Variants in GIPC2 observed in about 807,000 individuals in gnomAD.
GIPC2 encodes GIPC PDZ domain containing family member 2.
GIPC2 carries 30 observed loss-of-function variants against 30.6 expected under a neutral mutation model. The ratio of observed to expected loss-of-function variants is 0.98; its 90% CI spans 0.73 to 1.33. The LOEUF (loss-of-function observed/expected upper bound fraction) is 1.33, where lower values mean the gene tolerates loss of function less well. GIPC2 is among the 40% of genes most tolerant of loss of function. The pLI is 0.00. For missense variants in GIPC2, 414 were observed against 390.3 expected (o/e 1.06, Z -0.51); for synonymous variants, 167 against 150.0 (o/e 1.11, Z -0.83).
chr1:78,125,356 T>C (rs1390602864), intron 4 of GIPC2, among the ~76,000 whole-genome samples: 2 of 152,068 alleles, frequency 1.3e-5, no homozygotes, highest in Non-Finnish European at 2.9e-5. Flanking sequence ...TTTAATTAAT[T>C]AATTAATTTT....
At chr1:78,122,005 C>T (rs1007309069) in intron 4 of GIPC2, among the ~76,000 whole-genome samples, 1 of 152,164 alleles carries the variant, frequency 6.6e-6, no homozygotes, top group Non-Finnish European at 1.5e-5. Flanking sequence ...TGCCACGTCC[C>T]TTCAGGAGGA....
intron 1 of GIPC2, among the ~76,000 whole-genome samples, chr1:78,078,838 G>GAAAA (rs570693127): frequency 9.4e-6 from 1 of 106,880 alleles, no homozygotes; most frequent in Admixed American, 1.0e-4. Context: ...AGATTCACCG[G>GAAAA]AAAAAAAAAA....
intron 1 of GIPC2, among the ~76,000 whole-genome samples, chr1:78,064,702 C>T (rs1661468799): frequency 6.6e-6 from 1 of 150,680 alleles, no homozygotes; most frequent in South Asian, 2.1e-4. Flanking sequence ...GTTCTGTCAC[C>T]CAGGTTGGAG....
At chr1:78,058,601 T>G (rs1041391742) in intron 1 of GIPC2, among the ~76,000 whole-genome samples, 1 of 152,156 alleles carries the variant, frequency 6.6e-6, no homozygotes, top group Non-Finnish European at 1.5e-5. Flanking sequence ...CCAAGCAACA[T>G]GAATCCCTTG....
intron 2 of GIPC2, chr1:78,091,577 A>G (rs1156837933): frequency 2.6e-6 from 2 of 759,176 alleles, no homozygotes; most frequent in Non-Finnish European, 4.9e-6. Context: ...CCTCTCGGCC[A>G]AGTCCTTCGC....
rs941896536 is a variant in GIPC2, at chr1:78,138,002, C to G, written c.*2259C>G. ...CCTGTCCTTTTCACTTTTCTGTAGGCTTTTTTTTTTTAAATGGAAGATGAT... is the reference window on the plus strand; with the variant it reads ...CCTGTCCTTTTCACTTTTCTGTAGGGTTTTTTTTTTTAAATGGAAGATGAT... On this transcript the variant is annotated 3_prime_UTR_variant, in exon 6 of 6. Coordinates refer to ENST00000370759, the MANE Select transcript of GIPC2 (RefSeq NM_017655.6). 2.4e-5 allele frequency: 3 copies of G among 126,768 alleles called. No individual in the cohort carries two copies. Among genetic ancestry groups the G allele is most frequent in the Non-Finnish European group, 3.4e-5 (2 of 58,718 alleles). The allele number at this position is 126,768 out of a possible 1,614,324, so 7.9% of individuals were successfully genotyped here.
At chr1:78,046,639 C>T (rs1173596392) in intron 1 of GIPC2, among the ~76,000 whole-genome samples, 1 of 152,182 alleles carries the variant, frequency 6.6e-6, no homozygotes, top group Non-Finnish European at 1.5e-5. Flanking sequence ...GTCCCGGATT[C>T]CGCCGGCCGT....
intron 3 of GIPC2, among the ~76,000 whole-genome samples, chr1:78,096,562 A>G (rs999047149): frequency 4.0e-5 from 6 of 149,492 alleles, no homozygotes; most frequent in African/African-American, 1.5e-4. Flanking sequence ...AGTTATTGAT[A>G]TACCTTAACT....
intron 2 of GIPC2, 22 bp from the exon 3 acceptor site, chr1:78,094,925 ATTATG>A: frequency 6.8e-7 from 1 of 1,466,622 alleles, no homozygotes; most frequent in Non-Finnish European, 9.5e-7. Context: ...TCTATTTTAT[ATTATG>A]TTATCATCAA....
intron 1 of GIPC2, among the ~76,000 whole-genome samples, chr1:78,057,668 G>T (rs1297070674): frequency 1.3e-5 from 2 of 152,216 alleles, no homozygotes; most frequent in Non-Finnish European, 2.9e-5. Flanking sequence ...GCTGGAAAGA[G>T]TGATTATAAT....
At chr1:78,050,401 C>T (rs796780878) in intron 1 of GIPC2, among the ~76,000 whole-genome samples, 9 of 152,144 alleles carry the variant, frequency 5.9e-5, no homozygotes, top group African/African-American at 2.2e-4. Flanking sequence ...TTTGTGGTCC[C>T]TGAAGGAATA....
intron 1 of GIPC2, among the ~76,000 whole-genome samples, chr1:78,073,357 G>C (rs1661659430): frequency 6.6e-6 from 1 of 152,110 alleles, no homozygotes; most frequent in African/African-American, 2.4e-5. Context: ...ACCCATGTCA[G>C]ACTCCCAAAG....
intron 1 of GIPC2, among the ~76,000 whole-genome samples, chr1:78,061,045 A>G (rs1661383451): frequency 6.6e-6 from 1 of 152,194 alleles, no homozygotes; most frequent in Non-Finnish European, 1.5e-5. Flanking sequence ...TCATAGGGCC[A>G]CCAGGGAGTC....
intron 1 of GIPC2, among the ~76,000 whole-genome samples, chr1:78,076,431 C>T (rs1338149072): frequency 6.6e-6 from 1 of 152,198 alleles, no homozygotes; most frequent in Non-Finnish European, 1.5e-5. Flanking sequence ...GACAGTTTTT[C>T]CATGTATTGG....
At chr1:78,063,353 G>A (rs1661440915) in intron 1 of GIPC2, among the ~76,000 whole-genome samples, 1 of 151,894 alleles carries the variant, frequency 6.6e-6, no homozygotes, top group Non-Finnish European at 1.5e-5. Context: ...TTAGCTAGGT[G>A]TGGTGGCATG....
intron 1 of GIPC2, among the ~76,000 whole-genome samples, chr1:78,064,993 C>G (rs775568238): frequency 2.6e-5 from 4 of 152,042 alleles, no homozygotes; most frequent in Non-Finnish European, 1.5e-5. Context: ...AATCTGCCTG[C>G]CTTGGCCTCC....
In GIPC2 at chr1:78,121,464, T is replaced by C. The variant is rs138361557; in HGVS notation, c.714+1965T>C. Among the ~76,000 whole-genome samples, 1,062 of 152,198 alleles carry C rather than the reference T, an allele frequency of 7.0e-3. 14 individuals carry two copies. The highest frequency in any genetic ancestry group is 0.024 in the African/African-American group (1,007 of 41,500). On this transcript the variant is annotated intron_variant, in intron 4 of 5. Transcript: ENST00000370759. ...GAGTGGGATCTCAGAACTTGTTGGG[T>C]GACAAGGTCCAGGGTTGGTCATGGG...
chr1:78,060,423 G>C (rs1661371135), intron 1 of GIPC2, among the ~76,000 whole-genome samples: 1 of 152,126 alleles, frequency 6.6e-6, no homozygotes, highest in African/African-American at 2.4e-5. Context: ...GGGATTATAG[G>C]TGTGTACCAC....
intron 2 of GIPC2, chr1:78,092,109 T>A (rs113019062): frequency 8.8e-6 from 10 of 1,138,336 alleles, no homozygotes; most frequent in African/African-American, 4.6e-5. Context: ...CTGTGGTATA[T>A]GGAAAAGTAG....
Sources: gnomAD v4.1 joint callset for allele counts (sites outside exome capture counted in the v4.1 genomes callset) on GRCh38, gnomAD v4.1.1 for gene constraint, MANE v1.5 for transcripts, NCBI Gene and HGNC (gene_info 2026-07-23, HGNC 2026-07-21) for gene names.